TAF1: variants seen among roughly 807,000 people sequenced by gnomAD.
TAF1 encodes the protein TATA-box binding protein associated factor 1.
TAF1 carries 2 observed loss-of-function variants against 138.5 expected under a neutral mutation model. The ratio of observed to expected loss-of-function variants is 0.01; its 90% confidence interval spans 0.01 to 0.05. TAF1 has a LOEUF of 0.05. TAF1 is among the 10% of genes least tolerant of loss of function. The pLI, the probability that TAF1 is intolerant of heterozygous loss-of-function variation, is 1.00. For synonymous variants in TAF1, 437 were observed against 503.2 expected, an observed-to-expected ratio of 0.87 and a Z score of 1.76; for missense variants, 709 against 1,478.0, an observed-to-expected ratio of 0.48 and a Z score of 8.53.
At chrX:71,490,852 C>T (rs935276972) in intron 13 of TAF1, among the ~76,000 whole-genome samples, 2 of 108,353 alleles carry the variant, frequency 1.8e-5, no homozygotes, top group African/African-American at 3.4e-5. Flanking sequence ...CTCAGCCTGC[C>T]GAGTAGCTGG....
downstream of TAF1, among the ~76,000 whole-genome samples, chrX:71,470,805 A>G (rs1179006443): frequency 1.9e-5 from 2 of 106,731 alleles, no homozygotes; most frequent in Non-Finnish European, 3.9e-5. Context: ...CAGCCTGGCA[A>G]CAAAGGGAGA....
chrX:71,527,822 G>T (rs1460701534), intron 13 of TAF1: 1 of 151,932 alleles, frequency 6.6e-6, no homozygotes. Flanking sequence ...CTTTAGCAAT[G>T]CTTCTCCTGT....
chrX:71,523,451 T>C (rs1244673862), intron 13 of TAF1, among the ~76,000 whole-genome samples: 1 of 111,715 alleles, frequency 9.0e-6, no homozygotes, highest in African/African-American at 3.2e-5. Flanking sequence ...GTTTGTAAAT[T>C]CAGTTAATTT....
intron 3 of TAF1, among the ~76,000 whole-genome samples, chrX:71,372,794 G>A (rs1214344272): frequency 8.9e-6 from 1 of 111,820 alleles, no homozygotes; most frequent in Non-Finnish European, 1.9e-5. Context: ...GTTATTGGGA[G>A]GATTATACAT....
chrX:71,480,560 A>G (rs1280791823), intron 13 of TAF1, among the ~76,000 whole-genome samples: 1 of 112,170 alleles, frequency 8.9e-6, no homozygotes, highest in African/African-American at 3.2e-5. Context: ...TATTCATTCA[A>G]TAAATATTTA....
At chrX:71,391,443 GGAGGCCAAGGTGGGAGGGTTACTT>G (rs1358087632) in intron 18 of TAF1, among the ~76,000 whole-genome samples, 1 of 110,180 alleles carries the variant, frequency 9.1e-6, no homozygotes, top group Non-Finnish European at 1.9e-5. Context: ...TAGCATTTGG[GGAGGCCAAGGTGGGAGGGTTACTT>G]GAGGCCAAGG....
chrX:71,457,497 C>T (rs1417321258), intron 34 of TAF1, among the ~76,000 whole-genome samples: 1 of 112,335 alleles, frequency 8.9e-6, no homozygotes, highest in Non-Finnish European at 1.9e-5. Flanking sequence ...TCTAGTCCTT[C>T]TTGCCCTCCT....
At chrX:71,473,507 AT>A (rs201528884) in intron 13 of TAF1, among the ~76,000 whole-genome samples, 30 of 108,067 alleles carry the variant, frequency 2.8e-4, no homozygotes, top group Non-Finnish European at 3.6e-4. Flanking sequence ...CTTAAAAAAA[AT>A]TTTTTTTTTA....
chrX:71,459,016 G>A (rs2038429144), intron 35 of TAF1: 1 of 344,636 alleles, frequency 2.9e-6, no homozygotes, highest in African/African-American at 2.7e-5. Context: ...GCCTTGAGCT[G>A]TCTAAACAGC....
At chrX:71,493,538 A>G (rs1464255518) in intron 13 of TAF1, among the ~76,000 whole-genome samples, 1 of 112,711 alleles carries the variant, frequency 8.9e-6, no homozygotes, top group Non-Finnish European at 1.9e-5. Flanking sequence ...AGAAGTAGAA[A>G]TGTCGCAAGG....
intron 13 of TAF1, among the ~76,000 whole-genome samples, chrX:71,487,362 C>T (rs1413832781): frequency 1.3e-5 from 1 of 79,998 alleles, no homozygotes; most frequent in Non-Finnish European, 2.2e-5. Flanking sequence ...TCGCTCTTGT[C>T]ACCTAGGCTG....
At chrX:71,458,412 A>G in intron 35 of TAF1, 46 bp downstream of exon 35, 2 of 1,191,670 alleles carry the variant, frequency 1.7e-6, no homozygotes, top group Non-Finnish European at 2.3e-6. Flanking sequence ...TGTGCCTGCA[A>G]GTGGGGCTAG....
chrX:71,530,485 C>T (rs1441580657), downstream of TAF1: 1 of 92,411 alleles, frequency 1.1e-5, no homozygotes, highest in Non-Finnish European at 2.1e-5. Flanking sequence ...GGAAAGAACA[C>T]AGCTTCCACG....
Position 71,427,529 on chromosome X carries a change from A to G in TAF1, c.4753+3291A>G, listed in dbSNP as rs144683711. On this transcript the variant is annotated intron_variant, in intron 32 of 37. Transcript: ENST00000423759. ...AAGGAGCTTATGTAAAACAGTAAGA[A>G]AAACCCAGAAGATACTAATAAAAAA... Among the ~76,000 whole-genome samples the G allele has an allele frequency of 8.3e-3, 929 of 112,421 alleles. 14 individuals carry two copies. The highest frequency in any genetic ancestry group is 0.028 in the African/African-American group (874 of 30,985).
At chrX:71,473,800 G>C (rs2038932255) in intron 13 of TAF1, among the ~76,000 whole-genome samples, 1 of 110,684 alleles carries the variant, frequency 9.0e-6, no homozygotes, top group African/African-American at 3.3e-5. Flanking sequence ...TGGGTATATA[G>C]GGAAGGAAGG....
rs995786051 is a variant in TAF1 at position 71,373,681 on chromosome X, C to A, written c.353-1486C>A. On this transcript the variant is annotated intron_variant, in intron 3 of 37. Transcript: ENST00000423759. ...AAGTTTCCTTAGGAAGCAGAAGAGT[C>A]GTGGAGTTGTAGAGGAGGTAAATTA... is the stretch of plus-strand genomic sequence containing the variant. Among the ~76,000 whole-genome samples, 4 of 111,074 alleles carry A rather than the reference C, an allele frequency of 3.6e-5. No homozygotes were observed. The Admixed American group carries it at 3.9e-4, about 11-fold the overall frequency.
At chrX:71,483,317 AGAAG>A (rs1242303780) in intron 13 of TAF1, among the ~76,000 whole-genome samples, 2 of 108,921 alleles carry the variant, frequency 1.8e-5, no homozygotes, top group Non-Finnish European at 1.9e-5. Flanking sequence ...CTCATCCATA[AGAAG>A]CAACTACTCA....
chrX:71,447,507 A>C (rs1385505919), intron 32 of TAF1, among the ~76,000 whole-genome samples: 2 of 110,846 alleles, frequency 1.8e-5, no homozygotes, highest in African/African-American at 6.6e-5. Context: ...GTTCGAGACC[A>C]GCCTGGCCAA....
chrX:71,458,564 C>G (rs1193593371), intron 35 of TAF1, among the ~76,000 whole-genome samples, 198 bp downstream of exon 35: 1 of 110,977 alleles, frequency 9.0e-6, no homozygotes, highest in Non-Finnish European at 1.9e-5. Flanking sequence ...CTCTCTGTCC[C>G]CATGGGTAGA....
Sources: allele counts gnomAD v4.1 joint callset (sites outside exome capture counted in the v4.1 genomes callset), GRCh38; gene constraint gnomAD v4.1.1; transcripts MANE v1.5; gene names NCBI Gene and HGNC (gene_info 2026-07-23, HGNC 2026-07-21).